AGBL4: variants seen among roughly 807,000 people sequenced by gnomAD.
The protein encoded by AGBL4 is cytosolic carboxypeptidase 6.
In AGBL4, 58 loss-of-function variants were observed where a neutral mutation model predicts 66.4. That is an observed-to-expected ratio of 0.87 (90% CI 0.71 to 1.09). AGBL4 has a LOEUF of 1.09. Among genes scored for constraint, AGBL4 ranks in the 50% least tolerant of loss-of-function variants. AGBL4 has a pLI of 0.00. For synonymous variants in AGBL4, 234 were observed against 222.9 expected, an observed-to-expected ratio of 1.05 and a Z score of -0.44; for missense variants, 579 against 631.0, an observed-to-expected ratio of 0.92 and a Z score of 0.88.
chr1:49,284,611 C>T (rs1278324127), intron 3 of AGBL4, among the ~76,000 whole-genome samples: 1 of 152,216 alleles, frequency 6.6e-6, no homozygotes, highest in East Asian at 1.9e-4. Context: ...CATCAGTGTG[C>T]TGTATTCTGG....
chr1:48,592,914 G>C (rs1242199846), intron 9 of AGBL4, among the ~76,000 whole-genome samples: 1 of 152,128 alleles, frequency 6.6e-6, no homozygotes, highest in Non-Finnish European at 1.5e-5. Context: ...GGGCGTACAA[G>C]TGTAATTTTG....
At chr1:49,170,193 T>A (rs934842818) in intron 4 of AGBL4, among the ~76,000 whole-genome samples, 1 of 147,474 alleles carries the variant, frequency 6.8e-6, no homozygotes, top group Non-Finnish European at 1.5e-5. Context: ...TATATTCATA[T>A]AAATATGTTA....
intron 10 of AGBL4, among the ~76,000 whole-genome samples, chr1:48,590,028 A>T (rs890674314): frequency 6.6e-6 from 1 of 152,148 alleles, no homozygotes; most frequent in Non-Finnish European, 1.5e-5. Flanking sequence ...CAGGTGGATC[A>T]CTTGAGCCCA....
At chr1:49,389,898 A>G (rs929803369) in intron 3 of AGBL4, among the ~76,000 whole-genome samples, 5 of 152,196 alleles carry the variant, frequency 3.3e-5, no homozygotes, top group East Asian at 1.9e-4. Context: ...GTATAATCCA[A>G]TTGAGGATTC....
In AGBL4 at chr1:49,503,451, A is replaced by G. The variant is rs545465466; in HGVS notation, c.282+193862T>C. On this transcript the variant is annotated intron_variant, in intron 3 of 13. Transcript: ENST00000371839. ...GGGCACTGCCTAGTGGAACTGTGAG[A>G]AGGTGGCCACTGTCCTCTGGACCCC... Among the ~76,000 whole-genome samples, 18 of 152,244 alleles carry G rather than the reference A, an allele frequency of 1.2e-4. No individual in the cohort carries two copies. The South Asian group carries it at 2.5e-3, about 21-fold the overall frequency.
intron 3 of AGBL4, among the ~76,000 whole-genome samples, chr1:49,391,154 T>C (rs1350463248): frequency 6.6e-6 from 1 of 152,128 alleles, no homozygotes; most frequent in Non-Finnish European, 1.5e-5. Flanking sequence ...TGAGCACAGT[T>C]GTAGCATACA....
chr1:48,712,657 A>G (rs1646986776), intron 6 of AGBL4, among the ~76,000 whole-genome samples: 1 of 152,128 alleles, frequency 6.6e-6, no homozygotes, highest in African/African-American at 2.4e-5. Context: ...AGCTGTTGGC[A>G]TCACTGGACA....
intron 3 of AGBL4, among the ~76,000 whole-genome samples, chr1:49,525,464 A>G (rs1650583156): frequency 6.6e-6 from 1 of 151,968 alleles, no homozygotes; most frequent in Non-Finnish European, 1.5e-5. Flanking sequence ...GGCAGTAATG[A>G]GCTTGGTGAG....
chr1:49,223,711 T>C (rs1463412099), intron 4 of AGBL4, among the ~76,000 whole-genome samples: 3 of 152,192 alleles, frequency 2.0e-5, no homozygotes, highest in African/African-American at 7.2e-5. Context: ...CCTGGATTCT[T>C]TCTGTTCTCT....
At chr1:48,535,848 AG>A (rs1414777387) in intron 12 of AGBL4, among the ~76,000 whole-genome samples, 1 of 152,072 alleles carries the variant, frequency 6.6e-6, no homozygotes, top group African/African-American at 2.4e-5. Context: ...TTTAGTGTGA[AG>A]GGGTTGAAGT....
chr1:49,623,938 T>C (rs149492979), intron 3 of AGBL4, among the ~76,000 whole-genome samples: 1 of 152,084 alleles, frequency 6.6e-6, no homozygotes, highest in African/African-American at 2.4e-5. Context: ...ACGGTTGGGG[T>C]CCCATTTTTC....
At chr1:49,700,584 T>C (rs1647072557) in intron 2 of AGBL4, among the ~76,000 whole-genome samples, 1 of 152,116 alleles carries the variant, frequency 6.6e-6, no homozygotes, top group African/African-American at 2.4e-5. Flanking sequence ...GTACATGATG[T>C]TCTTCTCAAA....
At chr1:48,797,593 A>G (rs1412547604) in intron 6 of AGBL4, among the ~76,000 whole-genome samples, 3 of 152,224 alleles carry the variant, frequency 2.0e-5, no homozygotes, top group Admixed American at 1.3e-4. Flanking sequence ...GTGCATGTAT[A>G]TACCACATTA....
chr1:49,554,563 A>G (rs867354219), intron 3 of AGBL4, among the ~76,000 whole-genome samples: 1 of 152,224 alleles, frequency 6.6e-6, no homozygotes, highest in Non-Finnish European at 1.5e-5. Flanking sequence ...GTTTTTAATA[A>G]CAATGTATTT....
chr1:48,737,535 G>A lies in AGBL4; in HGVS notation c.635-74294C>T, dbSNP rs577860641. ...TGGTGGAGCTGGATTTCATCTCAAA[G>A]TTCCTTCTGGCTCAAAACACCTATG... is the stretch of plus-strand genomic sequence containing the variant. On this transcript the variant is annotated intron_variant, in intron 6 of 13. Coordinates refer to ENST00000371839, the MANE Select transcript of AGBL4 (RefSeq NM_032785.4). Among the ~76,000 whole-genome samples the A allele has an allele frequency of 2.0e-5, 3 of 152,196 alleles. No individual in the cohort carries two copies. The East Asian group carries it at 5.8e-4, about 29-fold the overall frequency.
chr1:49,455,703 G>A (rs1295079075), intron 3 of AGBL4, among the ~76,000 whole-genome samples: 1 of 151,544 alleles, frequency 6.6e-6, no homozygotes, highest in African/African-American at 2.4e-5. Flanking sequence ...CACATTCCTT[G>A]CTATGGCCTA....
chr1:49,512,995 T>C (rs1185754853), intron 3 of AGBL4, among the ~76,000 whole-genome samples: 1 of 152,020 alleles, frequency 6.6e-6, no homozygotes, highest in Non-Finnish European at 1.5e-5. Context: ...CTCTATTATA[T>C]AGACTGACCA....
intron 3 of AGBL4, among the ~76,000 whole-genome samples, chr1:49,419,822 A>C (rs1326780708): frequency 6.6e-6 from 1 of 152,210 alleles, no homozygotes; most frequent in East Asian, 1.9e-4. Context: ...AATGGGTACT[A>C]TCAAGACTGA....
At chr1:49,884,986 G>A (rs1647863732) in intron 1 of AGBL4, among the ~76,000 whole-genome samples, 1 of 151,752 alleles carries the variant, frequency 6.6e-6, no homozygotes, top group Admixed American at 6.6e-5. Context: ...ATTTAAATGG[G>A]TTATGCTGCT....
Sources: gnomAD v4.1 joint callset for allele counts (sites outside exome capture counted in the v4.1 genomes callset) on GRCh38, gnomAD v4.1.1 for gene constraint, MANE v1.5 for transcripts, NCBI Gene and HGNC (gene_info 2026-07-23, HGNC 2026-07-21) for gene names.